EEF1E1: variants seen among roughly 807,000 people sequenced by gnomAD.
The protein encoded by EEF1E1 is eukaryotic translation elongation factor 1 epsilon 1.
A neutral mutation model predicts 19.9 loss-of-function variants in EEF1E1; 19 were observed. That is an observed-to-expected ratio of 0.95 (90% CI 0.66 to 1.40). The LOEUF (loss-of-function observed/expected upper bound fraction) is 1.40. Ranked by LOEUF, EEF1E1 falls within the 40% of genes most tolerant of loss-of-function variation. EEF1E1 has a pLI of 0.00. For missense variants in EEF1E1, 198 were observed against 202.2 expected, an observed-to-expected ratio of 0.98 and a Z score of 0.13; for synonymous variants, 81 against 80.0, an observed-to-expected ratio of 1.01 and a Z score of -0.07.
intron 3 of EEF1E1, among the ~76,000 whole-genome samples, chr6:8,080,521 G>A (rs989889710): frequency 6.6e-6 from 1 of 152,166 alleles, no homozygotes; most frequent in African/African-American, 2.4e-5. Flanking sequence ...TCATAATTCT[G>A]TTTGCAATAA....
At position 8,101,239 on chromosome 6, in the gene EEF1E1, AAAAAATATATATATATATATATATAT is replaced by A. The variant is rs1485919095; in HGVS notation, c.87+1170_87+1195del. 1.5e-3 allele frequency among the ~76,000 whole-genome samples: 112 copies of A among 75,604 alleles called. 11 individuals are homozygous for A. The South Asian group carries it at 0.048, about 32-fold the overall frequency. 49.6% of individuals were successfully genotyped at this position (75,604 alleles called of 152,430 possible). On this transcript the variant is annotated intron_variant, in intron 1 of 3. Coordinates refer to ENST00000379715, the MANE Select transcript of EEF1E1 (RefSeq NM_004280.5). ...AGACTTTGTCTCAAAAAAAAAAAAA[AAAAAATATATATATATATATATATAT>A]ATATATATATATATATATGGCACTC...
At chr6:8,084,213 C>T (rs573392939) in intron 3 of EEF1E1, among the ~76,000 whole-genome samples, 1 of 152,292 alleles carries the variant, frequency 6.6e-6, no homozygotes, top group African/African-American at 2.4e-5. Context: ...TAAACACATA[C>T]AGAATGCTAA....
intron 2 of EEF1E1, among the ~76,000 whole-genome samples, chr6:8,090,699 A>C (rs1757990969): frequency 6.6e-6 from 1 of 152,130 alleles, no homozygotes; most frequent in African/African-American, 2.4e-5. Context: ...TAATTCACCC[A>C]TTTCCCCTTG....
At chr6:8,084,261 T>C (rs1334981886) in intron 3 of EEF1E1, among the ~76,000 whole-genome samples, 1 of 152,208 alleles carries the variant, frequency 6.6e-6, no homozygotes, top group Non-Finnish European at 1.5e-5. Flanking sequence ...CATGCTGTAC[T>C]GAATGAAACA....
chr6:8,078,939 A>C (rs188060780), downstream of EEF1E1, among the ~76,000 whole-genome samples: 16 of 152,294 alleles, frequency 1.1e-4, no homozygotes, highest in African/African-American at 3.6e-4. Flanking sequence ...ATCAACACCA[A>C]AACATTAAGT....
chr6:8,090,307 T>C (rs1757981521), intron 2 of EEF1E1, 26 bp from the exon 3 acceptor site: 1 of 1,410,648 alleles, frequency 7.1e-7, no homozygotes, highest in Non-Finnish European at 9.3e-7. Context: ...AACAAATAAA[T>C]ATTAATGTAA....
intron 3 of EEF1E1, among the ~76,000 whole-genome samples, chr6:8,085,157 T>C (rs566865198): frequency 6.6e-6 from 1 of 152,174 alleles, no homozygotes; most frequent in Non-Finnish European, 1.5e-5. Context: ...TGCTTTTATT[T>C]ATTTTTTTAA....
chr6:8,099,776 ACACACACACACACAC>A (rs1561646277), intron 1 of EEF1E1, among the ~76,000 whole-genome samples: 11 of 124,926 alleles, frequency 8.8e-5, no homozygotes, highest in Non-Finnish European at 1.4e-4. Context: ...ACACACACAC[ACACACACACACACAC>A]AAAAAAAAAA....
chr6:8,091,981 G>A (rs948497775), intron 2 of EEF1E1, among the ~76,000 whole-genome samples: 1 of 152,254 alleles, frequency 6.6e-6, no homozygotes, highest in Admixed American at 6.5e-5. Flanking sequence ...GAGGCTGGAA[G>A]TCTAAGATGA....
chr6:8,099,786 AC>A (rs756142025), intron 1 of EEF1E1, among the ~76,000 whole-genome samples: 2,032 of 132,000 alleles, frequency 0.015, 121 homozygotes, highest in African/African-American at 0.056. Context: ...ACACACACAC[AC>A]ACACAAAAAA....
At chr6:8,095,846 C>G (rs1279496678) in intron 2 of EEF1E1, among the ~76,000 whole-genome samples, 1 of 152,190 alleles carries the variant, frequency 6.6e-6, no homozygotes, top group Non-Finnish European at 1.5e-5. Context: ...TGGCCAAAAT[C>G]ACATTGCAAT....
chr6:8,094,664 A>C (rs542460748), intron 2 of EEF1E1, among the ~76,000 whole-genome samples: 1 of 152,312 alleles, frequency 6.6e-6, no homozygotes, highest in East Asian at 1.9e-4. Context: ...TAGATAATTT[A>C]AATTGTGGTA....
chr6:8,102,216 C>A lies in EEF1E1; in HGVS notation c.87+219G>T, dbSNP rs551690138. 7.6e-4 allele frequency: 468 copies of A among 616,284 alleles called. 2 individuals carry two copies. In the African/African-American group the frequency reaches 8.8e-3, roughly 12 times the overall value. 38.2% of individuals were successfully genotyped at this position (616,284 alleles called of 1,614,324 possible). A position where few individuals can be genotyped will look rare whatever the true frequency, so the allele number is the denominator to read the frequency against. ...AATTTCCCAGGAGGTGAAGTTCAGG[C>A]CAAGCCCAACCTGAGCTGGTTAACC... On this transcript the variant is annotated intron_variant, in intron 1 of 3. Coordinates refer to ENST00000379715, the MANE Select transcript of EEF1E1 (RefSeq NM_004280.5).
chr6:8,073,406 G>A, exon 4 of EEF1E1: 1 of 1,544,772 alleles, frequency 6.5e-7, no homozygotes, highest in South Asian at 1.2e-5. Context: ...TAGTTTACAG[G>A]TAAGTTTGAG....
chr6:8,100,172 C>T (rs917080214), intron 1 of EEF1E1, among the ~76,000 whole-genome samples: 1 of 152,194 alleles, frequency 6.6e-6, no homozygotes, highest in Non-Finnish European at 1.5e-5. Flanking sequence ...GAAGTCTTCA[C>T]AGTTGGGCCT....
intron 3 of EEF1E1, among the ~76,000 whole-genome samples, chr6:8,088,000 T>C (rs1267047535): frequency 6.6e-6 from 1 of 152,170 alleles, no homozygotes; most frequent in Admixed American, 6.5e-5. Context: ...CCAAAGTGTC[T>C]GGTTTCTGGA....
chr6:8,099,823 C>T (rs1758292753), intron 1 of EEF1E1, among the ~76,000 whole-genome samples: 1 of 149,680 alleles, frequency 6.7e-6, no homozygotes, highest in African/African-American at 2.5e-5. Flanking sequence ...ATAATGTTCA[C>T]ACATGATGAA....
chr6:8,092,868 G>GTTTTTTTTTTTTTTTTTT (rs1554099258), intron 2 of EEF1E1, among the ~76,000 whole-genome samples: 2 of 108,190 alleles, frequency 1.8e-5, no homozygotes, highest in Admixed American at 1.0e-4. Flanking sequence ...GATAAAGACT[G>GTTTTTTTTTTTTTTTTTT]CTTTTTTTTT....
chr6:8,099,791 C>CACACACACACAAAA (rs768224090), intron 1 of EEF1E1, among the ~76,000 whole-genome samples: 73 of 114,654 alleles, frequency 6.4e-4, no homozygotes, highest in African/African-American at 2.3e-3. Flanking sequence ...CACACACACA[C>CACACACACACAAAA]AAAAAAAAAA....
Sources: allele counts gnomAD v4.1 joint callset (sites outside exome capture counted in the v4.1 genomes callset), GRCh38; gene constraint gnomAD v4.1.1; transcripts MANE v1.5; gene names NCBI Gene and HGNC (gene_info 2026-07-23, HGNC 2026-07-21).